The following NPAS3 variants were observed in gnomAD, a reference collection of about 807,000 sequenced individuals.
The protein encoded by NPAS3 is neuronal PAS domain-containing protein 3.
In NPAS3, 14 loss-of-function variants were observed where a neutral mutation model predicts 73.1. The ratio of observed to expected loss-of-function variants is 0.19; its 90% CI spans 0.13 to 0.30. The LOEUF is 0.30. Among genes scored for constraint, NPAS3 ranks in the 10% least tolerant of loss-of-function variants. NPAS3 has a pLI of 1.00. For missense variants in NPAS3, 1,096 were observed against 1,250.0 expected (o/e 0.88, Z 1.86); for synonymous variants, 620 against 541.5 (o/e 1.14, Z -2.01).
chr14:33,373,576 G>C (rs2046190582), intron 4 of NPAS3, among the ~76,000 whole-genome samples: 1 of 152,050 alleles, frequency 6.6e-6, no homozygotes, highest in Non-Finnish European at 1.5e-5. Flanking sequence ...ATAACTAATA[G>C]AGAAATTCAT....
intron 1 of NPAS3, among the ~76,000 whole-genome samples, chr14:32,968,321 A>G (rs1213487238): frequency 6.6e-6 from 1 of 152,194 alleles, no homozygotes; most frequent in African/African-American, 2.4e-5. Flanking sequence ...GTGTGTATAT[A>G]TTGGAAATCA....
chr14:33,145,336 G>A lies in NPAS3; in HGVS notation c.141-69846G>A, dbSNP rs112993808. Reference sequence around the variant, plus strand: ...GATTACCTGGAAGAAGTGATAGGCCGGAATTTCAAAGGAAAGTTAGAAAGT... The same window carrying A: ...GATTACCTGGAAGAAGTGATAGGCCAGAATTTCAAAGGAAAGTTAGAAAGT... On this transcript the variant is annotated intron_variant, in intron 2 of 11. Coordinates refer to ENST00000356141, the Ensembl canonical transcript of NPAS3. Among the ~76,000 whole-genome samples, 591 of 152,206 alleles carry A rather than the reference G, an allele frequency of 3.9e-3. 4 individuals are homozygous for A. Among genetic ancestry groups the A allele is most frequent in the Non-Finnish European group, 6.0e-3 (407 of 68,008 alleles).
At chr14:33,139,508 TG>T (rs1273702311) in intron 2 of NPAS3, among the ~76,000 whole-genome samples, 3 of 152,192 alleles carry the variant, frequency 2.0e-5, no homozygotes, top group Non-Finnish European at 4.4e-5. Context: ...TGAGAAGATG[TG>T]GACGGGGTGG....
In NPAS3 at chr14:33,175,818, T is replaced by C. The variant is rs538666878; in HGVS notation, c.141-39364T>C. 3.3e-4 allele frequency among the ~76,000 whole-genome samples: 12 copies of C among 36,712 alleles called. 1 individual carries two copies. Among genetic ancestry groups the C allele is most frequent in the African/African-American group, 7.3e-4 (12 of 16,504 alleles). 24.1% of individuals were successfully genotyped at this position (36,712 alleles called of 152,430 possible). A position where few individuals can be genotyped will look rare whatever the true frequency, so the allele number is the denominator to read the frequency against. On this transcript the variant is annotated intron_variant, in intron 2 of 11. Transcript: ENST00000356141. ...CCATCTTAAAGTATCCTAGTATTTG[T>C]AAAACGTTATCATTTTTTTATCTAC...
intron 4 of NPAS3, among the ~76,000 whole-genome samples, chr14:33,538,045 C>T (rs1043419695): frequency 1.3e-5 from 2 of 152,180 alleles, no homozygotes; most frequent in Non-Finnish European, 2.9e-5. Context: ...TAAACCTGTG[C>T]AGACCACTTT....
chr14:33,448,195 TAC>T (rs2049610405), intron 4 of NPAS3, among the ~76,000 whole-genome samples: 1 of 152,200 alleles, frequency 6.6e-6, no homozygotes, highest in Non-Finnish European at 1.5e-5. Context: ...GGCTTAGAGA[TAC>T]AGATTTGAAC....
chr14:33,036,742 C>A (rs2040182609), intron 1 of NPAS3, among the ~76,000 whole-genome samples: 1 of 152,080 alleles, frequency 6.6e-6, no homozygotes, highest in Non-Finnish European at 1.5e-5. Flanking sequence ...AAAAATCAGA[C>A]CTTTACTGAT....
intron 4 of NPAS3, among the ~76,000 whole-genome samples, chr14:33,439,099 T>A (rs2049119226): frequency 6.7e-6 from 1 of 149,150 alleles, no homozygotes. Context: ...TACCTGTCTT[T>A]AAAAAAAAAA....
intron 2 of NPAS3, among the ~76,000 whole-genome samples, chr14:33,157,702 A>G (rs1404962534): frequency 1.3e-5 from 2 of 152,226 alleles, no homozygotes; most frequent in African/African-American, 2.4e-5. Flanking sequence ...TGTTCATGGA[A>G]TATGTACCTT....
intron 4 of NPAS3, among the ~76,000 whole-genome samples, chr14:33,371,109 A>C (rs80057448): frequency 0.034 from 5,220 of 152,262 alleles, 248 homozygotes; most frequent in African/African-American, 0.11. Flanking sequence ...AGAGGCCAGT[A>C]AACATGAGAA....
chr14:33,602,779 C>T (rs1278409682), intron 5 of NPAS3, among the ~76,000 whole-genome samples: 6 of 152,090 alleles, frequency 3.9e-5, no homozygotes, highest in Non-Finnish European at 8.8e-5. Flanking sequence ...TAATAGATGC[C>T]ACTTATTCAG....
chr14:33,383,412 G>C (rs964187970), intron 4 of NPAS3, among the ~76,000 whole-genome samples: 3 of 152,150 alleles, frequency 2.0e-5, no homozygotes, highest in Non-Finnish European at 4.4e-5. Context: ...ACTGATTTCA[G>C]GGTGCATTCT....
chr14:33,351,164 G>T (rs1301800389), intron 3 of NPAS3, among the ~76,000 whole-genome samples: 1 of 152,190 alleles, frequency 6.6e-6, no homozygotes, highest in Non-Finnish European at 1.5e-5. Flanking sequence ...TCTTACAGGT[G>T]TAAACACGGA....
chr14:33,515,763 T>C (rs2053267455), intron 4 of NPAS3, among the ~76,000 whole-genome samples: 1 of 152,084 alleles, frequency 6.6e-6, no homozygotes, highest in Non-Finnish European at 1.5e-5. Flanking sequence ...AAGCCCCTTC[T>C]AGAAACTTTT....
chr14:33,105,823 G>A (rs1001659901), intron 2 of NPAS3, among the ~76,000 whole-genome samples: 1 of 152,114 alleles, frequency 6.6e-6, no homozygotes, highest in Non-Finnish European at 1.5e-5. Flanking sequence ...AAAATGTCTG[G>A]TAATGGCATG....
chr14:33,191,512 C>T (rs1383943733), intron 2 of NPAS3, among the ~76,000 whole-genome samples: 2 of 152,134 alleles, frequency 1.3e-5, no homozygotes, highest in African/African-American at 4.8e-5. Context: ...AGGTCATTGC[C>T]ACATTGCACC....
At chr14:33,126,605 G>A (rs1016934569) in intron 2 of NPAS3, among the ~76,000 whole-genome samples, 1 of 152,074 alleles carries the variant, frequency 6.6e-6, no homozygotes, top group Non-Finnish European at 1.5e-5. Flanking sequence ...GATGGGAAGG[G>A]CTTGGCCAGG....
In NPAS3 at chr14:33,096,038, T is replaced by A. The variant is rs562340171; in HGVS notation, c.140+40044T>A. 5.3e-5 allele frequency among the ~76,000 whole-genome samples: 8 copies of A among 150,716 alleles called. No individual in the cohort carries two copies. In the South Asian group the frequency reaches 1.7e-3, roughly 32 times the overall value. ...CCAGCTTAATTTTGTTAATCTAGTG[T>A]GCATGGATACATGGACAACAGGGGT... is the stretch of plus-strand genomic sequence containing the variant. On this transcript the variant is annotated intron_variant, in intron 2 of 11. Coordinates refer to ENST00000356141, the Ensembl canonical transcript of NPAS3.
At chr14:33,631,895 A>T (rs1337576834) in intron 5 of NPAS3, among the ~76,000 whole-genome samples, 1 of 152,230 alleles carries the variant, frequency 6.6e-6, no homozygotes, top group East Asian at 1.9e-4. Flanking sequence ...TGTCAAAGAA[A>T]TATTTAATTA....
Sources: gnomAD v4.1 joint callset for allele counts (sites outside exome capture counted in the v4.1 genomes callset) on GRCh38, gnomAD v4.1.1 for gene constraint, MANE v1.5 for transcripts, NCBI Gene and HGNC (gene_info 2026-07-23, HGNC 2026-07-21) for gene names.